PDZD9: variants seen among roughly 807,000 people sequenced by gnomAD.
The protein encoded by PDZD9 is PDZ domain containing 9.
In PDZD9, 13 loss-of-function variants were observed where a neutral mutation model predicts 16.3. That is an observed-to-expected ratio of 0.80 (90% CI 0.52 to 1.27). PDZD9 has a LOEUF of 1.27. Among genes scored for constraint, PDZD9 ranks in the 50% most tolerant of loss-of-function variants. PDZD9 has a pLI of 0.00. For missense variants in PDZD9, 288 were observed against 310.9 expected (o/e 0.93, Z 0.55); for synonymous variants, 120 against 111.0 (o/e 1.08, Z -0.51).
intron 2 of PDZD9, among the ~76,000 whole-genome samples, chr16:21,992,993 C>T (rs1899060854): frequency 6.6e-6 from 1 of 152,128 alleles, no homozygotes; most frequent in Non-Finnish European, 1.5e-5. Context: ...CTCCTTCACA[C>T]ACTCACACTC....
the PDZD9 span, chr16:21,968,639 C>T: frequency 2.3e-5 from 37 of 1,606,452 alleles, no homozygotes; most frequent in African/African-American, 2.3e-4. Flanking sequence ...TACATTACTT[C>T]GTTCAGAACC....
the PDZD9 span, chr16:21,962,501 G>T: frequency 6.2e-7 from 1 of 1,614,180 alleles, no homozygotes; most frequent in Admixed American, 1.7e-5. Context: ...ACTGTGGAAT[G>T]CCTGCGGGGT....
downstream of PDZD9, chr16:21,980,330 T>C (rs1376870876): frequency 7.7e-6 from 4 of 518,878 alleles, no homozygotes; most frequent in Non-Finnish European, 1.0e-5. Flanking sequence ...TTGGACACTT[T>C]GGCAACCCTG....
the PDZD9 span, chr16:21,962,652 C>A: frequency 1.3e-6 from 2 of 1,590,188 alleles, no homozygotes; most frequent in Non-Finnish European, 1.7e-6. Flanking sequence ...AAAAACACTG[C>A]TTACCACAAG....
At chr16:21,963,909 A>AT in the PDZD9 span, among the ~76,000 whole-genome samples, 1 of 152,138 alleles carries the variant, frequency 6.6e-6, no homozygotes, top group Non-Finnish European at 1.5e-5. Context: ...AAGTAACTTA[A>AT]TTTTTTTAAT....
chr16:21,960,007 T>C, the PDZD9 span, among the ~76,000 whole-genome samples: 1 of 152,198 alleles, frequency 6.6e-6, no homozygotes, highest in East Asian at 1.9e-4. Flanking sequence ...TTAGCATAAT[T>C]CCTAAGGGCT....
At chr16:21,994,880 G>A (rs933826442) in intron 2 of PDZD9, among the ~76,000 whole-genome samples, 1 of 151,472 alleles carries the variant, frequency 6.6e-6, no homozygotes, top group East Asian at 1.9e-4. Context: ...ACCCAGGTTG[G>A]CATGCAGTGG....
chr16:21,973,957 A>G, the PDZD9 span: 86 of 1,609,190 alleles, frequency 5.3e-5, 1 homozygote, highest in South Asian at 9.2e-4. Flanking sequence ...ACTATCTCCC[A>G]GGCCACAGCT....
chr16:21,992,030 T>G (rs531833958), intron 2 of PDZD9, among the ~76,000 whole-genome samples: 1 of 152,318 alleles, frequency 6.6e-6, no homozygotes, highest in South Asian at 2.1e-4. Flanking sequence ...CCTCTGTATT[T>G]CATTATCTAC....
the PDZD9 span, chr16:21,972,105 A>G: frequency 6.2e-7 from 1 of 1,613,632 alleles, no homozygotes; most frequent in South Asian, 1.1e-5. Flanking sequence ...TGCCAAGGCA[A>G]CTCAGCAGCC....
At chr16:21,959,047 C>T in the PDZD9 span, among the ~76,000 whole-genome samples, 1 of 152,194 alleles carries the variant, frequency 6.6e-6, no homozygotes, top group Non-Finnish European at 1.5e-5. Context: ...GAATCTTCAG[C>T]AAGTCATAAT....
chr16:21,974,410 C>G, the PDZD9 span, among the ~76,000 whole-genome samples: 1 of 151,996 alleles, frequency 6.6e-6, no homozygotes, highest in Non-Finnish European at 1.5e-5. Context: ...AGAAAAATGG[C>G]CCAGGTAAAC....
At chr16:21,985,278 C>T (rs1356656942) in intron 3 of PDZD9, among the ~76,000 whole-genome samples, 2 of 151,966 alleles carry the variant, frequency 1.3e-5, no homozygotes, top group East Asian at 1.9e-4. Context: ...TGTATGCCAC[C>T]GCACCTGGCT....
At chr16:21,993,715 C>G (rs1899079103) in intron 2 of PDZD9, among the ~76,000 whole-genome samples, 1 of 152,112 alleles carries the variant, frequency 6.6e-6, no homozygotes, top group Non-Finnish European at 1.5e-5. Context: ...ACCAGAGTTG[C>G]AAACCAGTGG....
chr16:21,987,633 G>A (rs1898910724), intron 3 of PDZD9, among the ~76,000 whole-genome samples: 1 of 152,108 alleles, frequency 6.6e-6, no homozygotes, highest in South Asian at 2.1e-4. Flanking sequence ...ATTGTTAAGT[G>A]TCTAATGCTG....
chr16:21,961,855 G>T, the PDZD9 span, among the ~76,000 whole-genome samples: 2 of 151,328 alleles, frequency 1.3e-5, no homozygotes, highest in African/African-American at 4.8e-5. Context: ...GTTTCACCCT[G>T]TTGGCCAGGC....
intron 1 of PDZD9, 144 bp from the exon 2 acceptor site, chr16:21,996,645 T>C: frequency 1.1e-6 from 1 of 872,562 alleles, no homozygotes; most frequent in Non-Finnish European, 1.7e-6. Context: ...AGGATAAAAA[T>C]GTTCACCTTG....
the PDZD9 span, among the ~76,000 whole-genome samples, chr16:21,972,628 A>G: frequency 3.9e-5 from 6 of 152,320 alleles, no homozygotes; most frequent in African/African-American, 1.4e-4. Flanking sequence ...AAATCCCAGC[A>G]CTCTGAGAGG....
At chr16:21,971,624 A>C in the PDZD9 span, 1 of 1,613,178 alleles carries the variant, frequency 6.2e-7, no homozygotes, top group Non-Finnish European at 8.5e-7. Flanking sequence ...CGTGGAGGTA[A>C]GCATTTCATT....
Sources: allele counts gnomAD v4.1 joint callset (sites outside exome capture counted in the v4.1 genomes callset), GRCh38; gene constraint gnomAD v4.1.1; transcripts MANE v1.5; gene names NCBI Gene and HGNC (gene_info 2026-07-23, HGNC 2026-07-21).